The following CELF2 variants were observed in gnomAD, a reference collection of about 807,000 sequenced individuals.
CELF2 encodes CUGBP Elav-like family member 2.
Under a neutral mutation model 62.6 loss-of-function variants are expected in CELF2, and 8 were observed. That is an observed-to-expected ratio of 0.13 (90% CI 0.07 to 0.23). The LOEUF (loss-of-function observed/expected upper bound fraction) is 0.23, where lower values mean the gene tolerates loss of function less well. CELF2 is among the 10% of genes least tolerant of loss of function. CELF2 has a pLI of 1.00. For synonymous variants in CELF2, 258 were observed against 250.0 expected, an observed-to-expected ratio of 1.03 and a Z score of -0.30; for missense variants, 333 against 671.0, an observed-to-expected ratio of 0.50 and a Z score of 5.56.
chr10:10,954,337 C>T (rs1217810441), intron 2 of CELF2, among the ~76,000 whole-genome samples: 2 of 151,728 alleles, frequency 1.3e-5, no homozygotes, highest in African/African-American at 2.4e-5. Context: ...CCTCCACCTT[C>T]CAGGTTCAAG....
rs1366117351 is a variant in CELF2, at chr10:11,247,553, C to T, written c.355-1600C>T. Among the ~76,000 whole-genome samples the T allele has an allele frequency of 1.3e-5, 2 of 152,162 alleles. No homozygotes were observed. The highest frequency in any genetic ancestry group is 2.4e-5 in the African/African-American group (1 of 41,440). On this transcript the variant is annotated intron_variant, in intron 3 of 12. Transcript: ENST00000633077. This position sits in a 1 kb window ranked among gnomAD's most constrained non-coding sequence, Gnocchi z 5.4. ...TGCTTACCGGCTGAGGGCTCAGTGTCTCTCCTGCCCCTGCCATCCCACCCC... is the reference window on the plus strand; with the variant it reads ...TGCTTACCGGCTGAGGGCTCAGTGTTTCTCCTGCCCCTGCCATCCCACCCC...
chr10:10,875,447 A>G (rs1014006345), intron 1 of CELF2, among the ~76,000 whole-genome samples: 17 of 152,188 alleles, frequency 1.1e-4, no homozygotes, highest in Non-Finnish European at 5.9e-5. Flanking sequence ...CAGAGTTATT[A>G]TCTTTCAGCC....
the CELF2 span, among the ~76,000 whole-genome samples, chr10:10,567,641 T>C: frequency 3.3e-5 from 5 of 152,064 alleles, no homozygotes; most frequent in East Asian, 9.6e-4. Flanking sequence ...GATACCAAAA[T>C]CCCAGAAAAT....
the CELF2 span, among the ~76,000 whole-genome samples, chr10:10,749,726 G>C: frequency 2.6e-5 from 4 of 152,186 alleles, no homozygotes; most frequent in African/African-American, 9.6e-5. Context: ...TGTCTATAAA[G>C]ACGAAAAGAC....
chr10:10,590,122 G>A, the CELF2 span, among the ~76,000 whole-genome samples: 1 of 152,130 alleles, frequency 6.6e-6, no homozygotes, highest in African/African-American at 2.4e-5. Flanking sequence ...GCTGCCCTAA[G>A]GTATGACATA....
At chr10:10,572,839 G>C in the CELF2 span, among the ~76,000 whole-genome samples, 3 of 152,044 alleles carry the variant, frequency 2.0e-5, no homozygotes, top group Admixed American at 6.6e-5. Context: ...ATGTATCTTT[G>C]TAATAGAATG....
chr10:10,660,143 G>A, the CELF2 span, among the ~76,000 whole-genome samples: 5 of 152,158 alleles, frequency 3.3e-5, no homozygotes, highest in Admixed American at 2.6e-4. Flanking sequence ...ATTTCATCAG[G>A]AACCTTTTCT....
chr10:10,880,832 C>A (rs1017049062), intron 1 of CELF2, among the ~76,000 whole-genome samples: 2 of 152,082 alleles, frequency 1.3e-5, no homozygotes, highest in African/African-American at 4.8e-5. Context: ...GCCTGTTTCC[C>A]GAATTCTTTG....
intron 1 of CELF2, among the ~76,000 whole-genome samples, chr10:10,915,254 A>T (rs950762265): frequency 6.6e-6 from 1 of 152,182 alleles, no homozygotes; most frequent in Non-Finnish European, 1.5e-5. Context: ...CTATAACTAT[A>T]TCAGGCATTT....
chr10:11,143,928 G>GAGAC lies in CELF2; in HGVS notation c.75-21555_75-21552dup, dbSNP rs201358111. On this transcript the variant is annotated intron_variant, in intron 1 of 12. Transcript: ENST00000633077. ...ACAAATAAAATGCACAGACCTGAAG[G>GAGAC]AGACAGCTCTTTAAATATTGTATAT... is the stretch of plus-strand genomic sequence containing the variant. 7.1e-3 allele frequency among the ~76,000 whole-genome samples: 1,088 copies of GAGAC among 152,304 alleles called. 32 individuals carry two copies. Among genetic ancestry groups the GAGAC allele is most frequent in the Admixed American group, 0.052 (791 of 15,300 alleles).
the CELF2 span, among the ~76,000 whole-genome samples, chr10:10,682,369 A>AT: frequency 6.6e-6 from 1 of 152,198 alleles, no homozygotes; most frequent in South Asian, 2.1e-4. Flanking sequence ...TTAAAGAACA[A>AT]TTTTTTGAAA....
chr10:11,240,917 T>C (rs1354590096), intron 3 of CELF2, among the ~76,000 whole-genome samples: 1 of 152,176 alleles, frequency 6.6e-6, no homozygotes, highest in Non-Finnish European at 1.5e-5. Context: ...GGCCTCAGGC[T>C]TGTGCTCCCA....
chr10:10,841,546 CTT>C (rs569178714), intron 1 of CELF2, among the ~76,000 whole-genome samples: 5 of 140,548 alleles, frequency 3.6e-5, no homozygotes, highest in African/African-American at 7.8e-5. Context: ...GCCTTTGCAT[CTT>C]TTTTTTTTTT....
rs568256533 is a variant in CELF2, at chr10:11,300,241, C to T, written c.976+11689C>T. On this transcript the variant is annotated intron_variant, in intron 9 of 12. Transcript: ENST00000633077. This position sits in a 1 kb window ranked among gnomAD's most constrained non-coding sequence, Gnocchi z 5.5. Reference sequence around the variant, plus strand: ...AGCAGGTGCTGGCCCCTCACTTCCCCGCCTTCCACATGTGTGCCACCGTAC... The same window carrying T: ...AGCAGGTGCTGGCCCCTCACTTCCCTGCCTTCCACATGTGTGCCACCGTAC... 2.6e-5 allele frequency among the ~76,000 whole-genome samples: 4 copies of T among 152,192 alleles called. No homozygotes were observed. Among genetic ancestry groups the T allele is most frequent in the Non-Finnish European group, 4.4e-5 (3 of 68,030 alleles).
At chr10:11,308,500 C>T (rs1458590176) in intron 9 of CELF2, among the ~76,000 whole-genome samples, 4 of 152,180 alleles carry the variant, frequency 2.6e-5, no homozygotes, top group Non-Finnish European at 5.9e-5. Flanking sequence ...TTCAAGTTCA[C>T]TCATTCTTCT....
intron 1 of CELF2, among the ~76,000 whole-genome samples, chr10:11,140,413 T>C (rs1330715645): frequency 6.6e-6 from 1 of 151,908 alleles, no homozygotes; most frequent in Admixed American, 6.6e-5. Flanking sequence ...ACTCCGTCTT[T>C]AGACATTTAA....
intron 1 of CELF2, among the ~76,000 whole-genome samples, chr10:11,036,601 A>T (rs997720264): frequency 2.6e-5 from 4 of 152,200 alleles, no homozygotes; most frequent in Non-Finnish European, 5.9e-5. Context: ...AATAAATGGG[A>T]ATCATACTTG....
intron 1 of CELF2, among the ~76,000 whole-genome samples, chr10:11,133,783 G>C (rs766990179): frequency 2.6e-5 from 4 of 152,164 alleles, no homozygotes; most frequent in Non-Finnish European, 5.9e-5. Flanking sequence ...TGCTGACCCA[G>C]ACTCTCTTCC....
chr10:11,140,091 C>T lies in CELF2; in HGVS notation c.75-25395C>T, dbSNP rs924542647. 9.2e-5 allele frequency among the ~76,000 whole-genome samples: 14 copies of T among 152,282 alleles called. No homozygotes were observed. The South Asian group carries it at 2.9e-3, about 32-fold the overall frequency. On this transcript the variant is annotated intron_variant, in intron 1 of 12. Coordinates refer to ENST00000633077, the MANE Select transcript of CELF2 (RefSeq NM_001326342.2). ...GAGCCAACTTTTATCTTTTGAGAAA[C>T]TGCCTCTGCTCAATCAGTTAGTCAG...
Sources: gnomAD v4.1 joint callset for allele counts (sites outside exome capture counted in the v4.1 genomes callset) on GRCh38, gnomAD v4.1.1 for gene constraint, Gnocchi (gnomAD v3.1) non-coding constraint, MANE v1.5 for transcripts, NCBI Gene and HGNC (gene_info 2026-07-23, HGNC 2026-07-21) for gene names.